PPP1R9A: variants seen among roughly 807,000 people sequenced by gnomAD.
The protein encoded by PPP1R9A is neurabin-1.
PPP1R9A carries 59 observed loss-of-function variants against 141.9 expected under a neutral mutation model. The observed-to-expected ratio is 0.42, with a 90% CI of 0.34 to 0.52. PPP1R9A has a LOEUF of 0.52. Ranked by LOEUF, PPP1R9A falls within the 20% of genes least tolerant of loss-of-function variation. PPP1R9A has a pLI of 0.10. For missense variants in PPP1R9A, 1,444 were observed against 1,611.9 expected, an observed-to-expected ratio of 0.90 and a Z score of 1.78; for synonymous variants, 500 against 569.7, an observed-to-expected ratio of 0.88 and a Z score of 1.74.
At chr7:95,082,158 T>C (rs1815950104) in intron 2 of PPP1R9A, among the ~76,000 whole-genome samples, 1 of 152,220 alleles carries the variant, frequency 6.6e-6, no homozygotes, top group South Asian at 2.1e-4. Flanking sequence ...TCATAAATAC[T>C]TGCTTTACGT....
At chr7:95,221,014 G>T (rs1794374577) in intron 7 of PPP1R9A, among the ~76,000 whole-genome samples, 1 of 152,056 alleles carries the variant, frequency 6.6e-6, no homozygotes, top group Non-Finnish European at 1.5e-5. Context: ...TTTTACTTCA[G>T]AAATGACCAA....
At chr7:94,997,094 A>G (rs1201599568) in intron 2 of PPP1R9A, among the ~76,000 whole-genome samples, 1 of 151,924 alleles carries the variant, frequency 6.6e-6, no homozygotes, top group Non-Finnish European at 1.5e-5. Context: ...GTGAGCCACC[A>G]CACCTGGCCA....
chr7:94,978,473 G>A (rs1461911610), intron 2 of PPP1R9A, among the ~76,000 whole-genome samples: 1 of 152,054 alleles, frequency 6.6e-6, no homozygotes, highest in Non-Finnish European at 1.5e-5. Flanking sequence ...AATAATTCTA[G>A]GCATGATAGT....
intron 8 of PPP1R9A, among the ~76,000 whole-genome samples, chr7:95,247,010 G>GA (rs1798211604): frequency 6.6e-6 from 1 of 152,158 alleles, no homozygotes; most frequent in South Asian, 2.1e-4. Flanking sequence ...TGGAGCTGCT[G>GA]ATCAGAATGT....
chr7:94,950,945 G>A (rs937620766), intron 2 of PPP1R9A, among the ~76,000 whole-genome samples: 6 of 151,878 alleles, frequency 4.0e-5, no homozygotes, highest in Non-Finnish European at 8.8e-5. Flanking sequence ...ATGAGGTTTC[G>A]CCATGTTGCC....
chr7:95,137,727 T>C (rs1375269788), intron 4 of PPP1R9A, among the ~76,000 whole-genome samples: 1 of 152,116 alleles, frequency 6.6e-6, no homozygotes, highest in African/African-American at 2.4e-5. Flanking sequence ...AAGATTGTTC[T>C]AAAATGCATA....
intron 2 of PPP1R9A, chr7:95,109,047 T>G (rs1326650100): frequency 6.6e-6 from 1 of 152,154 alleles, no homozygotes; most frequent in Non-Finnish European, 1.5e-5. Flanking sequence ...AACTGTTATT[T>G]TGTGTGTAAA....
At position 95,130,606 on chromosome 7, in the gene PPP1R9A, C is replaced by T. The variant is rs906989675; in HGVS notation, c.1649+9774C>T. On this transcript the variant is annotated intron_variant, in intron 4 of 19. Transcript: ENST00000433360. ...TGGGTACATCCACTGACAGCTTGCA[C>T]TCTATGCCTGGAAAAGCCACAGACA... Among the ~76,000 whole-genome samples the T allele has an allele frequency of 2.6e-5, 4 of 152,122 alleles. No individual in the cohort carries two copies. In the East Asian group the frequency reaches 5.8e-4, roughly 22 times the overall value.
intron 2 of PPP1R9A, among the ~76,000 whole-genome samples, chr7:94,971,557 G>A (rs1167258895): frequency 1.3e-5 from 2 of 152,182 alleles, no homozygotes; most frequent in Non-Finnish European, 2.9e-5. Context: ...ATCATCTTGA[G>A]AATTCACAGT....
intron 3 of PPP1R9A, among the ~76,000 whole-genome samples, chr7:95,120,252 C>G (rs1321820538): frequency 1.3e-5 from 2 of 152,082 alleles, no homozygotes; most frequent in African/African-American, 4.8e-5. Flanking sequence ...CCACCATGCC[C>G]AGCCACATGT....
rs140403929 is a variant in PPP1R9A at position 94,938,910 on chromosome 7, G to A, written c.1395+27402G>A. Among the ~76,000 whole-genome samples, 982 of 152,238 alleles carry A rather than the reference G, an allele frequency of 6.5e-3. 12 individuals are homozygous for A. The highest frequency in any genetic ancestry group is 0.023 in the African/African-American group (936 of 41,556). On this transcript the variant is annotated intron_variant, in intron 2 of 19. Coordinates refer to ENST00000433360, the MANE Select transcript of PPP1R9A (RefSeq NM_001166160.2). ...TCTCATATAATCTTAGACACGTATC[G>A]TGATGTGGATACGCTATTCCTGTGT...
chr7:95,094,151 A>G (rs1450430824), intron 2 of PPP1R9A, among the ~76,000 whole-genome samples: 4 of 152,198 alleles, frequency 2.6e-5, no homozygotes, highest in African/African-American at 4.8e-5. Flanking sequence ...TTTTTGGATG[A>G]TAGGATGAGT....
chr7:95,179,310 A>G (rs1304326932), intron 5 of PPP1R9A, among the ~76,000 whole-genome samples: 5 of 152,196 alleles, frequency 3.3e-5, no homozygotes, highest in Admixed American at 6.6e-5. Context: ...AAAGCATTCA[A>G]CAGACTTCAG....
intron 2 of PPP1R9A, among the ~76,000 whole-genome samples, chr7:94,917,646 G>A (rs1379098194): frequency 1.3e-5 from 2 of 151,204 alleles, no homozygotes; most frequent in African/African-American, 4.9e-5. Context: ...GGGTTCAAGC[G>A]ACCCTCCTGC....
intron 2 of PPP1R9A, among the ~76,000 whole-genome samples, chr7:95,000,454 T>C (rs1802767550): frequency 6.6e-6 from 1 of 152,216 alleles, no homozygotes. Context: ...TAGTTTGATT[T>C]TTTTTTAAAC....
intron 2 of PPP1R9A, among the ~76,000 whole-genome samples, chr7:95,066,282 C>G (rs1263353313): frequency 6.6e-6 from 1 of 152,180 alleles, no homozygotes. Flanking sequence ...CTGCCAACAC[C>G]TTGATCTTGC....
intron 8 of PPP1R9A, among the ~76,000 whole-genome samples, chr7:95,227,393 A>G (rs1043465821): frequency 6.6e-6 from 1 of 152,196 alleles, no homozygotes; most frequent in Non-Finnish European, 1.5e-5. Flanking sequence ...CACAGATAAT[A>G]TATGGAAAGT....
intron 12 of PPP1R9A, among the ~76,000 whole-genome samples, chr7:95,262,593 A>G (rs930904481): frequency 6.6e-6 from 1 of 152,196 alleles, no homozygotes; most frequent in Admixed American, 6.5e-5. Flanking sequence ...TGAGATATGG[A>G]TAACAGAATT....
At chr7:95,209,252 A>G (rs1563420695) in intron 7 of PPP1R9A, among the ~76,000 whole-genome samples, 1 of 152,232 alleles carries the variant, frequency 6.6e-6, no homozygotes, top group Non-Finnish European at 1.5e-5. Context: ...TAAAATGAAT[A>G]TGACATAGTT....
Sources: gnomAD v4.1 joint callset for allele counts (sites outside exome capture counted in the v4.1 genomes callset) on GRCh38, gnomAD v4.1.1 for gene constraint, MANE v1.5 for transcripts, NCBI Gene and HGNC (gene_info 2026-07-23, HGNC 2026-07-21) for gene names.